The following KDM2B variants were observed in gnomAD, a reference collection of about 807,000 sequenced individuals.
The protein encoded by KDM2B is lysine-specific demethylase 2B.
KDM2B carries 26 observed loss-of-function variants against 150.0 expected under a neutral mutation model. The ratio of observed to expected loss-of-function variants is 0.17; its 90% CI spans 0.13 to 0.24. The LOEUF is 0.24. KDM2B is among the 10% of genes least tolerant of loss of function. The probability of loss-of-function intolerance (pLI) is 1.00; values close to 1 mark genes in which losing one functional copy is unlikely to be tolerated. For missense variants in KDM2B, 1,265 were observed against 1,816.9 expected (o/e 0.70, Z 5.52); for synonymous variants, 734 against 729.5 (o/e 1.01, Z -0.10).
intron 4 of KDM2B, among the ~76,000 whole-genome samples, chr12:121,564,535 T>G (rs114846029): frequency 5.3e-5 from 8 of 152,128 alleles, no homozygotes; most frequent in Admixed American, 2.0e-4. Context: ...CTATTGTTAA[T>G]AGATGGTATA....
chr12:121,523,091 A>C (rs1270706280), intron 8 of KDM2B, among the ~76,000 whole-genome samples: 2 of 152,226 alleles, frequency 1.3e-5, no homozygotes, highest in Non-Finnish European at 2.9e-5. Flanking sequence ...GAGGAGAATC[A>C]ACCCCAATTC....
chr12:121,561,742 G>A (rs1890353093), intron 4 of KDM2B, among the ~76,000 whole-genome samples: 1 of 152,170 alleles, frequency 6.6e-6, no homozygotes, highest in Non-Finnish European at 1.5e-5. Flanking sequence ...ACTCTGATGT[G>A]CCAAGCACTA....
intron 12 of KDM2B, among the ~76,000 whole-genome samples, chr12:121,488,239 C>T (rs998997617): frequency 1.2e-4 from 19 of 152,160 alleles, no homozygotes; most frequent in African/African-American, 4.1e-4. Context: ...ATGGGAAATG[C>T]CTCTAAACCA....
At position 121,441,236 on chromosome 12, in the gene KDM2B, G is replaced by A; in HGVS notation, c.3285-3C>T. ...TCCACAACCGCTTATCGCAGCACCT[G>A]GGGACCGGCCCCGTGGGGACACATC... On this transcript the variant is annotated splice_polypyrimidine_tract_variant and splice_region_variant and intron_variant, in intron 19 of 22. Coordinates refer to ENST00000377071, the MANE Select transcript of KDM2B (RefSeq NM_032590.5). 3 of 1,613,358 alleles carry A rather than the reference G, an allele frequency of 1.9e-6. No individual in the cohort carries two copies. Among genetic ancestry groups the A allele is most frequent in the Non-Finnish European group, 2.5e-6 (3 of 1,179,552 alleles).
rs2136205414 is a variant in KDM2B, at chr12:121,558,906, T to G, written c.398-9268A>C. ...GCACCCAGCCTCCTTTTCTGAGGAATAACCATGCCTCCCACTGCCATCGCC... is the reference window on the plus strand; with the variant it reads ...GCACCCAGCCTCCTTTTCTGAGGAAGAACCATGCCTCCCACTGCCATCGCC... On this transcript the variant is annotated intron_variant, in intron 4 of 22. Coordinates refer to ENST00000377071, the MANE Select transcript of KDM2B (RefSeq NM_032590.5). Among the ~76,000 whole-genome samples the G allele has an allele frequency of 1.3e-5, 2 of 152,254 alleles. 1 individual carries two copies. The highest frequency in any genetic ancestry group is 4.1e-4 in the South Asian group (2 of 4,832).
chr12:121,535,460 G>A (rs375922522), intron 6 of KDM2B, among the ~76,000 whole-genome samples: 3 of 152,220 alleles, frequency 2.0e-5, no homozygotes, highest in African/African-American at 7.2e-5. Flanking sequence ...TTCATTCTGG[G>A]GTGATGAAAA....
chr12:121,476,005 A>C (rs1300234974), intron 12 of KDM2B, among the ~76,000 whole-genome samples: 1 of 152,000 alleles, frequency 6.6e-6, no homozygotes, highest in Non-Finnish European at 1.5e-5. Context: ...GTCCAAAAAA[A>C]AAAAAAATGC....
At chr12:121,479,597 C>T (rs542616340) in intron 12 of KDM2B, among the ~76,000 whole-genome samples, 9 of 152,076 alleles carry the variant, frequency 5.9e-5, no homozygotes, top group South Asian at 2.1e-4. Context: ...GAAGCCTGGG[C>T]GACAAACTGT....
chr12:121,494,435 A>G, intron 12 of KDM2B, 144 bp downstream of exon 12: 4 of 604,216 alleles, frequency 6.6e-6, no homozygotes, highest in Non-Finnish European at 1.2e-5. Context: ...AACATGGAAC[A>G]AATCACCAAA....
At chr12:121,539,447 G>C (rs1173124622) in intron 6 of KDM2B, among the ~76,000 whole-genome samples, 1 of 150,786 alleles carries the variant, frequency 6.6e-6, no homozygotes, top group Admixed American at 6.6e-5. Context: ...TGTATTTTTA[G>C]TCACAAATGC....
intron 4 of KDM2B, among the ~76,000 whole-genome samples, chr12:121,556,830 C>T (rs188617043): frequency 3.4e-5 from 5 of 148,590 alleles, no homozygotes; most frequent in East Asian, 3.9e-4. Flanking sequence ...CCAACCTGGG[C>T]GACAGAGTGA....
chr12:121,565,786 C>T (rs918214618), intron 4 of KDM2B, among the ~76,000 whole-genome samples: 2 of 151,978 alleles, frequency 1.3e-5, no homozygotes, highest in Non-Finnish European at 2.9e-5. Flanking sequence ...CCACCACACC[C>T]GGCTTATTTT....
At chr12:121,536,752 T>G (rs1490677549) in intron 6 of KDM2B, among the ~76,000 whole-genome samples, 2 of 151,886 alleles carry the variant, frequency 1.3e-5, no homozygotes, top group African/African-American at 4.8e-5. Context: ...AATCTAAGTA[T>G]GTGCGGGGCG....
intron 22 of KDM2B, among the ~76,000 whole-genome samples, chr12:121,438,900 C>T (rs986658803): frequency 2.0e-5 from 3 of 152,052 alleles, no homozygotes; most frequent in Non-Finnish European, 4.4e-5. Flanking sequence ...CCAACACCCC[C>T]CAATCCAGAC....
chr12:121,435,037 G>GGAA (rs1555286442), intron 22 of KDM2B, among the ~76,000 whole-genome samples: 2 of 139,338 alleles, frequency 1.4e-5, no homozygotes, highest in Non-Finnish European at 3.1e-5. Flanking sequence ...CCAACAAAGG[G>GGAA]AAAAAAAAAA....
Position 121,453,278 on chromosome 12 carries a change from G to A in KDM2B, c.1801C>T (p.Arg601Trp). 1.9e-6 allele frequency: 3 copies of A among 1,606,812 alleles called. No individual in the cohort carries two copies. The highest frequency in any genetic ancestry group is 2.5e-6 in the Non-Finnish European group (3 of 1,176,916). Residue 601 changes from arginine to tryptophan, a missense_variant, in exon 13 of 23, where the codon CGG (arginine) becomes TGG (tryptophan). This residue lies in a region of KDM2B where 69 missense variants were observed against 85.7 expected (regional missense o/e 0.81). Transcript: ENST00000377071. This position sits in a 1 kb window ranked among gnomAD's most constrained non-coding sequence, Gnocchi z 6.4. ...PASAVKLAAN[R>W]TTAGARRRRT... The stretch of plus-strand genomic sequence containing the variant: ...CGCCGCCGAGCTCCTGCCGTTGTCC[G>A]GTTGGCGGCCAACTTCACCGCGGAG...
chr12:121,464,829 G>A (rs1446138815), intron 12 of KDM2B, among the ~76,000 whole-genome samples: 1 of 152,184 alleles, frequency 6.6e-6, no homozygotes, highest in African/African-American at 2.4e-5. Context: ...GCTGGGTCTG[G>A]AGCCTGCAAG....
chr12:121,509,478 C>A (rs1361350744), intron 11 of KDM2B, 89 bp downstream of exon 11: 2 of 1,538,920 alleles, frequency 1.3e-6, no homozygotes, highest in African/African-American at 1.4e-5. Context: ...CTGCACAGAG[C>A]CATCGTGAGC....
At chr12:121,483,032 G>T (rs1882327804) in intron 12 of KDM2B, among the ~76,000 whole-genome samples, 1 of 151,906 alleles carries the variant, frequency 6.6e-6, no homozygotes, top group South Asian at 2.1e-4. Context: ...GCGTGGTGGG[G>T]GGCGCCTGTA....
Sources: gnomAD v4.1 joint callset for allele counts (sites outside exome capture counted in the v4.1 genomes callset) on GRCh38, gnomAD v4.1.1 for gene constraint, gnomAD v4.1.1 regional missense constraint, Gnocchi (gnomAD v3.1) non-coding constraint, MANE v1.5 for transcripts, NCBI Gene and HGNC (gene_info 2026-07-23, HGNC 2026-07-21) for gene names.